CCDC191: variants seen among roughly 807,000 people sequenced by gnomAD.
CCDC191 encodes the protein coiled-coil domain containing 191.
Under a neutral mutation model 114.0 loss-of-function variants are expected in CCDC191, and 99 were observed. The observed-to-expected ratio is 0.87, with a 90% confidence interval of 0.74 to 1.03. The LOEUF (loss-of-function observed/expected upper bound fraction) is 1.03. CCDC191 is among the 50% of genes least tolerant of loss of function. The pLI is 0.00. For synonymous variants in CCDC191, 351 were observed against 376.0 expected, an observed-to-expected ratio of 0.93 and a Z score of 0.77; for missense variants, 973 against 1,087.0, an observed-to-expected ratio of 0.90 and a Z score of 1.47.
In CCDC191 at chr3:113,978,266, GA is replaced by G; in HGVS notation, c.2525del (p.Phe842SerfsTer11). The G allele has an allele frequency of 1.2e-6, 2 of 1,613,976 alleles. No homozygotes were observed. Among genetic ancestry groups the G allele is most frequent in the Non-Finnish European group, 1.7e-6 (2 of 1,179,930 alleles). On this transcript the variant is annotated frameshift_variant, in exon 16 of 17. Transcript: ENST00000295878. LOFTEE classifies it high-confidence loss of function. ...CCCTGACCATGTTAAACCAGGCCCT[GA>G]AAATCTTCTTTTGAAGAAAATGTAC... ...FCVHFLQKKI[F>X]RAWFNMVREV...
chr3:113,999,088 T>G (rs2075799395), intron 13 of CCDC191, among the ~76,000 whole-genome samples: 1 of 152,182 alleles, frequency 6.6e-6, no homozygotes, highest in South Asian at 2.1e-4. Context: ...TACATGCTCT[T>G]AATCAGTATC....
At chr3:114,036,557 A>G (rs769215104) in intron 5 of CCDC191, 51 bp downstream of exon 5, 6 of 1,340,820 alleles carry the variant, frequency 4.5e-6, no homozygotes, top group Non-Finnish European at 6.1e-6. Flanking sequence ...TAAATGTGTT[A>G]CACAAAGACT....
chr3:114,003,989 C>T, intron 11 of CCDC191: 1 of 985,254 alleles, frequency 1.0e-6, no homozygotes, highest in Non-Finnish European at 1.2e-6. Flanking sequence ...GGGTTTCTGG[C>T]CAGGTGCAGT....
In CCDC191 at chr3:113,968,652, G is replaced by A. The variant is rs559707549; in HGVS notation, c.2607-3293C>T. Among the ~76,000 whole-genome samples, 5 of 151,526 alleles carry A rather than the reference G, an allele frequency of 3.3e-5. No individual in the cohort carries two copies. In the South Asian group the frequency reaches 1.0e-3, roughly 32 times the overall value. ...TTTTTTTTTTTTTGGTAGAGATGGG[G>A]TTTTGCCATGTTGCCCAGGCTGGTC... On this transcript the variant is annotated intron_variant, in intron 16 of 16. Transcript: ENST00000295878.
chr3:114,029,552 C>A (rs1285461703), intron 7 of CCDC191, among the ~76,000 whole-genome samples: 1 of 152,074 alleles, frequency 6.6e-6, no homozygotes, highest in Non-Finnish European at 1.5e-5. Context: ...TGGATGTTAA[C>A]CTTAATGGGT....
intron 1 of CCDC191, among the ~76,000 whole-genome samples, chr3:114,055,253 A>T (rs1475630980): frequency 6.6e-6 from 1 of 152,220 alleles, no homozygotes. Flanking sequence ...TCTAGGCAGT[A>T]ATAATGAGCA....
At chr3:114,028,520 C>T (rs1014715486) in intron 7 of CCDC191, among the ~76,000 whole-genome samples, 1 of 151,806 alleles carries the variant, frequency 6.6e-6, no homozygotes, top group Non-Finnish European at 1.5e-5. Context: ...CTCCTGACCT[C>T]GTGATCCGCC....
chr3:114,043,629 G>A, intron 3 of CCDC191, among the ~76,000 whole-genome samples: 1 of 152,152 alleles, frequency 6.6e-6, no homozygotes, highest in Admixed American at 6.5e-5. Flanking sequence ...TGAGTACAAT[G>A]GGAAGCCACA....
Position 114,046,747 on chromosome 3 carries a change from A to G in CCDC191, c.130-15T>C, listed in dbSNP as rs1359196414. 6.5e-7 allele frequency: 1 copy of G among 1,541,834 alleles called. No individual in the cohort carries two copies. The highest frequency in any genetic ancestry group is 1.4e-5 in the African/African-American group (1 of 71,852). On this transcript the variant is annotated splice_polypyrimidine_tract_variant and intron_variant, in intron 2 of 16. Coordinates refer to ENST00000295878, the MANE Select transcript of CCDC191 (RefSeq NM_020817.2). ...TTCTCCACTCTCTTCAATATAACAG[A>G]AAAAAAAATCCATAAAGATGACAAC...
chr3:114,049,916 G>T (rs1442345849), intron 2 of CCDC191, among the ~76,000 whole-genome samples: 1 of 152,140 alleles, frequency 6.6e-6, no homozygotes, highest in Admixed American at 6.5e-5. Context: ...CTGATTGAAG[G>T]CTAGCTCTGT....
Position 113,965,367 on chromosome 3 carries a change from A to C in CCDC191, c.2607-8T>G, listed in dbSNP as rs768870017. Reference sequence around the variant, plus strand: ...GTGATCCAGAGGATCCTCCTTTAAGAATAAAGAAGGAAAAAAGTGAAATGT... The same window carrying C: ...GTGATCCAGAGGATCCTCCTTTAAGCATAAAGAAGGAAAAAAGTGAAATGT... On this transcript the variant is annotated splice_region_variant and splice_polypyrimidine_tract_variant and intron_variant, in intron 16 of 16. Transcript: ENST00000295878. 2.3e-5 allele frequency: 36 copies of C among 1,533,242 alleles called. No individual in the cohort carries two copies. Among genetic ancestry groups the C allele is most frequent in the Non-Finnish European group, 3.2e-5 (36 of 1,137,686 alleles). 95.0% of individuals were successfully genotyped at this position (1,533,242 alleles called of 1,614,324 possible).
intron 13 of CCDC191, among the ~76,000 whole-genome samples, chr3:113,986,919 G>A (rs910497590): frequency 6.6e-6 from 1 of 152,130 alleles, no homozygotes; most frequent in Non-Finnish European, 1.5e-5. Context: ...AGCCAACCAT[G>A]CAGGCACCCT....
chr3:113,969,831 G>A (rs190781096), intron 16 of CCDC191, among the ~76,000 whole-genome samples: 12 of 152,136 alleles, frequency 7.9e-5, no homozygotes, highest in Non-Finnish European at 1.6e-4. Flanking sequence ...GGCTATTCAG[G>A]GTCTTCTGTG....
chr3:114,009,436 A>G (rs2076029645), intron 9 of CCDC191, among the ~76,000 whole-genome samples: 1 of 152,020 alleles, frequency 6.6e-6, no homozygotes, highest in Non-Finnish European at 1.5e-5. Flanking sequence ...GTTTTTAAAG[A>G]GGTTGTTTTT....
chr3:114,036,258 A>G (rs2076481104), intron 5 of CCDC191, among the ~76,000 whole-genome samples: 1 of 152,216 alleles, frequency 6.6e-6, no homozygotes, highest in South Asian at 2.1e-4. Flanking sequence ...CAAGAATATT[A>G]ATAATATTAA....
At position 113,991,224 on chromosome 3, in the gene CCDC191, A is replaced by G. The variant is rs528994563; in HGVS notation, c.2163+10371T>C. 7.2e-3 allele frequency among the ~76,000 whole-genome samples: 1,039 copies of G among 144,762 alleles called. 13 individuals carry two copies. Among genetic ancestry groups the G allele is most frequent in the Non-Finnish European group, 0.011 (715 of 65,810 alleles). 95.0% of individuals were successfully genotyped at this position (144,762 alleles called of 152,430 possible). ...GCACTCCAGCCTGGGCAACACAGTG[A>G]GACTCCAAAAAAAAAAAAAAGAAAA... is the stretch of plus-strand genomic sequence containing the variant. On this transcript the variant is annotated intron_variant, in intron 13 of 16. Transcript: ENST00000295878.
intron 16 of CCDC191, among the ~76,000 whole-genome samples, chr3:113,965,629 G>A (rs947325085): frequency 4.6e-5 from 7 of 151,970 alleles, no homozygotes; most frequent in Admixed American, 1.3e-4. Flanking sequence ...TTGCTCTGTC[G>A]CCCAGGCTAG....
chr3:113,973,564 G>A (rs914396955), intron 16 of CCDC191, among the ~76,000 whole-genome samples: 10 of 149,894 alleles, frequency 6.7e-5, no homozygotes, highest in African/African-American at 2.4e-4. Context: ...TTGAAAGATG[G>A]CTTTGCTGGA....
At chr3:113,979,100 A>C (rs1449590544) in intron 14 of CCDC191, 90 bp from the exon 15 acceptor site, 2 of 1,187,422 alleles carry the variant, frequency 1.7e-6, no homozygotes, top group African/African-American at 1.5e-5. Context: ...GCTATAAAAC[A>C]CATTTAGGCA....
Sources: allele counts gnomAD v4.1 joint callset (sites outside exome capture counted in the v4.1 genomes callset), GRCh38; gene constraint gnomAD v4.1.1; transcripts MANE v1.5; gene names NCBI Gene and HGNC (gene_info 2026-07-23, HGNC 2026-07-21).